The following NAA15 variants were observed in gnomAD, a reference collection of about 807,000 sequenced individuals.
NAA15 encodes N-alpha-acetyltransferase 15, NatA auxiliary subunit.
NAA15 carries 34 observed loss-of-function variants against 114.0 expected under a neutral mutation model. The ratio of observed to expected loss-of-function variants is 0.30; its 90% confidence interval spans 0.23 to 0.40. The LOEUF is 0.40. NAA15 is among the 10% of genes least tolerant of loss of function. The probability of loss-of-function intolerance (pLI) is 1.00; values close to 1 mark genes in which losing one functional copy is unlikely to be tolerated. For synonymous variants in NAA15, 340 were observed against 338.0 expected, an observed-to-expected ratio of 1.01 and a Z score of -0.06; for missense variants, 658 against 1,004.5, an observed-to-expected ratio of 0.66 and a Z score of 4.66.
At chr4:139,343,371 C>T (rs1747477534) in intron 5 of NAA15, among the ~76,000 whole-genome samples, 3 of 152,190 alleles carry the variant, frequency 2.0e-5, no homozygotes, top group Admixed American at 2.0e-4. Context: ...AGCCCATATT[C>T]AGAATTTACT....
chr4:139,310,800 G>A (rs915994276), intron 1 of NAA15, among the ~76,000 whole-genome samples: 2 of 151,620 alleles, frequency 1.3e-5, no homozygotes, highest in Admixed American at 1.3e-4. Context: ...TGTATTTTTA[G>A]TACAGGCGGG....
At chr4:139,387,806 G>A (rs1748948602) in intron 19 of NAA15, 78 bp from the exon 20 acceptor site, 7 of 1,053,994 alleles carry the variant, frequency 6.6e-6, no homozygotes, top group Middle Eastern at 2.3e-4. Flanking sequence ...GAAATCTCTT[G>A]CTGTTGAAAT....
At chr4:139,322,606 A>G (rs923064192) in intron 1 of NAA15, among the ~76,000 whole-genome samples, 1 of 152,230 alleles carries the variant, frequency 6.6e-6, no homozygotes. Flanking sequence ...TGTTAGGCTC[A>G]TGCTACTTGG....
intron 2 of NAA15, among the ~76,000 whole-genome samples, chr4:139,335,241 C>G (rs1747161089): frequency 6.6e-6 from 1 of 152,110 alleles, no homozygotes; most frequent in Non-Finnish European, 1.5e-5. Context: ...TTTTTGCTGA[C>G]CAGCTGAGCT....
At position 139,366,582 on chromosome 4, in the gene NAA15, T is replaced by C. The variant is rs372037559; in HGVS notation, c.1754-3629T>C. Among the ~76,000 whole-genome samples the C allele has an allele frequency of 5.9e-5, 9 of 151,990 alleles. No homozygotes were observed. The East Asian group carries it at 1.5e-3, about 26-fold the overall frequency. On this transcript the variant is annotated intron_variant, in intron 14 of 19. Transcript: ENST00000296543. ...CGTGGTCTGCATTTTGGTTACAAAT[T>C]ATTTACATTATCATTTTTGGGTTTT... is the stretch of plus-strand genomic sequence containing the variant.
At chr4:139,358,698 G>C (rs1455097632) in intron 11 of NAA15, among the ~76,000 whole-genome samples, 2 of 152,166 alleles carry the variant, frequency 1.3e-5, no homozygotes, top group Non-Finnish European at 2.9e-5. Context: ...GACTAGTTAG[G>C]TAACTTAGAA....
Position 139,340,946 on chromosome 4 carries a change from C to G in NAA15, c.279C>G (p.Asp93Glu). 1 of 1,599,502 alleles carries G rather than the reference C, an allele frequency of 6.3e-7. No individual in the cohort carries two copies. ...WHVYGLLQRS[D>E]KKYDEAIKCY... ...TTTATGGCCTTCTTCAGAGGTCAGA[C>G]AAGAAGTATGATGAAGCCATTAAGT... is the stretch of plus-strand genomic sequence containing the variant. The change falls in exon 4 of 20, where the codon GAC (aspartate) becomes GAG (glutamate). Residue 93 changes from aspartate (D) to glutamate (E), a missense_variant. Around this residue, in one of 6 missense-constraint regions of NAA15, gnomAD observed 75 missense variants for 172.3 expected, o/e 0.44. Coordinates refer to ENST00000296543, the MANE Select transcript of NAA15 (RefSeq NM_057175.5).
chr4:139,387,507 T>C (rs1208204119), intron 19 of NAA15, among the ~76,000 whole-genome samples: 3 of 152,222 alleles, frequency 2.0e-5, no homozygotes, highest in Non-Finnish European at 4.4e-5. Flanking sequence ...TAATTGGTAT[T>C]GGCATTGTAA....
chr4:139,362,557 A>G (rs1186380811), intron 14 of NAA15, among the ~76,000 whole-genome samples: 1 of 152,102 alleles, frequency 6.6e-6, no homozygotes, highest in Non-Finnish European at 1.5e-5. Flanking sequence ...GGCCTCCTAA[A>G]GTGCTGGGAT....
intron 1 of NAA15, chr4:139,302,045 C>T (rs1403062931): frequency 1.3e-5 from 6 of 447,066 alleles, no homozygotes; most frequent in Non-Finnish European, 2.3e-5. Context: ...TCCATCCCCA[C>T]GCTTGAGGCC....
At chr4:139,313,271 A>G (rs1746278324) in intron 1 of NAA15, among the ~76,000 whole-genome samples, 1 of 152,010 alleles carries the variant, frequency 6.6e-6, no homozygotes, top group African/African-American at 2.4e-5. Flanking sequence ...TAAAATGGCT[A>G]AAATGGCTTA....
chr4:139,378,970 A>G, intron 17 of NAA15, 116 bp downstream of exon 17: 1 of 633,214 alleles, frequency 1.6e-6, no homozygotes, highest in South Asian at 2.2e-5. Context: ...CACATACTAA[A>G]TTAGCTAAGG....
chr4:139,327,625 GT>G (rs1335842084), intron 1 of NAA15, among the ~76,000 whole-genome samples: 1 of 152,060 alleles, frequency 6.6e-6, no homozygotes, highest in Admixed American at 6.6e-5. Flanking sequence ...GTACACCTAG[GT>G]TGGAAGGATT....
chr4:139,384,784 C>T, intron 17 of NAA15, 48 bp from the exon 18 acceptor site: 1 of 1,238,096 alleles, frequency 8.1e-7, no homozygotes, highest in Non-Finnish European at 1.1e-6. Flanking sequence ...CTTTTGTAAA[C>T]TTTATCAGAG....
intron 1 of NAA15, 97 bp downstream of exon 1, chr4:139,301,928 GCCCGGGA>G: frequency 7.6e-7 from 1 of 1,320,078 alleles, no homozygotes; most frequent in South Asian, 1.4e-5. Context: ...AGCCACTCCC[GCCCGGGA>G]CCCCGCCTTC....
chr4:139,343,423 G>A (rs1339872551), intron 5 of NAA15, among the ~76,000 whole-genome samples: 1 of 152,156 alleles, frequency 6.6e-6, no homozygotes, highest in Non-Finnish European at 1.5e-5. Context: ...TGATTTCATT[G>A]CAGGATCCAA....
intron 4 of NAA15, among the ~76,000 whole-genome samples, chr4:139,341,856 G>A (rs911046405): frequency 2.0e-5 from 3 of 151,612 alleles, no homozygotes; most frequent in Non-Finnish European, 2.9e-5. Flanking sequence ...TGAGTAGCTG[G>A]GGCTACAGAC....
intron 1 of NAA15, among the ~76,000 whole-genome samples, chr4:139,310,678 G>A (rs1234248622): frequency 6.6e-6 from 1 of 151,520 alleles, no homozygotes; most frequent in African/African-American, 2.4e-5. Context: ...GCATGCAGTG[G>A]CACAATTTTA....
chr4:139,327,109 G>C (rs192589904), intron 1 of NAA15, among the ~76,000 whole-genome samples: 111 of 151,906 alleles, frequency 7.3e-4, no homozygotes, highest in Non-Finnish European at 1.3e-3. Flanking sequence ...CTAATTTTTT[G>C]ATTTTTTTGT....
Sources: gnomAD v4.1 joint callset for allele counts (sites outside exome capture counted in the v4.1 genomes callset) on GRCh38, gnomAD v4.1.1 for gene constraint, gnomAD v4.1.1 regional missense constraint, MANE v1.5 for transcripts, NCBI Gene and HGNC (gene_info 2026-07-23, HGNC 2026-07-21) for gene names.